The following ZNF677 variants were observed in gnomAD, a reference collection of about 807,000 sequenced individuals.
ZNF677 encodes zinc finger protein 677, also known as hypothetical protein MGC48625.
Under a neutral mutation model 8.1 loss-of-function variants are expected in ZNF677, and 5 were observed. The observed-to-expected ratio is 0.62, with a 90% confidence interval of 0.32 to 1.29. ZNF677 has a LOEUF of 1.29. Ranked by LOEUF, ZNF677 falls within the 50% of genes most tolerant of loss-of-function variation. The pLI, the probability that ZNF677 is intolerant of heterozygous loss-of-function variation, is 0.05. For synonymous variants in ZNF677, 221 were observed against 225.6 expected (o/e 0.98, Z 0.18); for missense variants, 685 against 685.9 (o/e 1.00, Z 0.01).
chr19:53,251,323 A>G (rs1160175333), intron 3 of ZNF677, among the ~76,000 whole-genome samples: 1 of 152,238 alleles, frequency 6.6e-6, no homozygotes, highest in Non-Finnish European at 1.5e-5. Flanking sequence ...AACCCTTTCC[A>G]GAACAATCAT....
At chr19:53,248,911 G>GA (rs2091190018) in intron 3 of ZNF677, among the ~76,000 whole-genome samples, 1 of 151,902 alleles carries the variant, frequency 6.6e-6, no homozygotes, top group African/African-American at 2.4e-5. Context: ...CCTTTTCTTG[G>GA]AAAATTCTTA....
In ZNF677 at chr19:53,237,146, A is replaced by G. The variant is rs755441654; in HGVS notation, c.1581T>C (p.Phe527=). 6.2e-7 allele frequency: 1 copy of G among 1,613,558 alleles called. No individual in the cohort carries two copies. Among genetic ancestry groups the G allele is most frequent in the Non-Finnish European group, 8.5e-7 (1 of 1,179,868 alleles). ...TTTTCTGGTGTCTAGTGAGGTTTGC[A>G]AATTGGGTAAAAGCTTTGCCACATT... ...CTECGKAFTQ[F]ANLTRHQKIH... Residue 527 remains phenylalanine (F), a synonymous_variant, in exon 5 of 5, where the codon TTT becomes TTC. Coordinates refer to ENST00000598513, the MANE Select transcript of ZNF677 (RefSeq NM_182609.4).
At chr19:53,242,058 AGCAGCTGGTATTACAG>A (rs1432228230) in intron 4 of ZNF677, 1 of 394,746 alleles carries the variant, frequency 2.5e-6, no homozygotes, top group Non-Finnish European at 4.5e-6. Context: ...CAGCCTCCCG[AGCAGCTGGTATTACAG>A]GCATGCGCCA....
chr19:53,237,682 A>C lies in ZNF677; in HGVS notation c.1045T>G (p.Cys349Gly). Residue 349 changes from cysteine (C) to glycine (G), a missense_variant, in exon 5 of 5, where the codon TGT becomes GGT. Cys to Gly is a radical substitution (Grantham distance 159). Coordinates refer to ENST00000598513, the MANE Select transcript of ZNF677 (RefSeq NM_182609.4). The stretch of plus-strand genomic sequence containing the variant: ...ATAAATGCCTTACCACATTCATTAC[A>C]TTTGTAAGGTTTCTCTCCAGTATGC... The part of the protein sequence containing the change: ...RMHTGEKPYK[C>G]NECGKAFIQR... 1 of 1,613,120 alleles carries C rather than the reference A, an allele frequency of 6.2e-7. No individual in the cohort carries two copies. Among genetic ancestry groups the C allele is most frequent in the Non-Finnish European group, 8.5e-7 (1 of 1,179,578 alleles).
chr19:53,249,027 T>C (rs1289496542), intron 3 of ZNF677: 14 of 152,246 alleles, frequency 9.2e-5, no homozygotes, highest in Admixed American at 9.2e-4. Flanking sequence ...ACCTAAAGTT[T>C]AGGTTAGCTG....
At position 53,239,866 on chromosome 19, in the gene ZNF677, C is replaced by T. The variant is rs569527813; in HGVS notation, c.170-1309G>A. The T allele has an allele frequency of 2.0e-5, 3 of 152,338 alleles. No individual in the cohort carries two copies. In the East Asian group the frequency reaches 5.8e-4, roughly 29 times the overall value. 9.4% of individuals were successfully genotyped at this position (152,338 alleles called of 1,614,324 possible). A position where few individuals can be genotyped will look rare whatever the true frequency, so the allele number is the denominator to read the frequency against. ...TCCCTAACTCACAGAGAAAGCACAT[C>T]TGAAAGCCAGAATCTGAACCTGTGT... On this transcript the variant is annotated intron_variant, in intron 4 of 4. Coordinates refer to ENST00000598513, the MANE Select transcript of ZNF677 (RefSeq NM_182609.4).
In ZNF677 at chr19:53,254,273, T is replaced by G. The variant is rs565076479; in HGVS notation, c.-127+561A>C. On this transcript the variant is annotated intron_variant, in intron 1 of 4. Coordinates refer to ENST00000598513, the MANE Select transcript of ZNF677 (RefSeq NM_182609.4). ...ATGTTTCTCTTCCACCTTCTGTTTC[T>G]TTCCTTTTCTTTTTCCCATTTCGGC... Among the ~76,000 whole-genome samples the G allele has an allele frequency of 3.3e-5, 5 of 152,108 alleles. No homozygotes were observed. In the East Asian group the frequency reaches 9.7e-4, roughly 30 times the overall value.
intron 4 of ZNF677, chr19:53,240,020 CTG>C (rs1466858461): frequency 6.6e-6 from 1 of 152,182 alleles, no homozygotes; most frequent in Non-Finnish European, 1.5e-5. Flanking sequence ...GGGACCTGAG[CTG>C]TGTCACCTAT....
At chr19:53,241,466 A>G (rs1343033189) in intron 4 of ZNF677, 2 of 189,998 alleles carry the variant, frequency 1.1e-5, no homozygotes, top group Non-Finnish European at 2.1e-5. Context: ...AACTGCACGT[A>G]TGGGATGAAT....
chr19:53,239,038 A>T (rs1304175972), intron 4 of ZNF677: 1 of 152,346 alleles, frequency 6.6e-6, no homozygotes, highest in African/African-American at 2.4e-5. Flanking sequence ...GAAAGAAAAA[A>T]TTCGGAAGAA....
chr19:53,243,713 G>A, intron 4 of ZNF677, 31 bp downstream of exon 4: 1 of 1,613,744 alleles, frequency 6.2e-7, no homozygotes. Context: ...GACTCACAAG[G>A]AAAAATGTAA....
Position 53,236,883 on chromosome 19 carries a change from T to A in ZNF677, c.*89A>T, listed in dbSNP as rs2090976291. The A allele has an allele frequency of 1.8e-5, 22 of 1,201,672 alleles. No homozygotes were observed. Among genetic ancestry groups the A allele is most frequent in the Non-Finnish European group, 2.5e-5 (22 of 875,994 alleles). The allele number at this position is 1,201,672 out of a possible 1,614,324, so 74.4% of individuals were successfully genotyped here. ...TGTGGTTTATCTCAAAGATGTATATTCTGGTATCAAGTGAGACATAAGCCA... is the reference window on the plus strand; with the variant it reads ...TGTGGTTTATCTCAAAGATGTATATACTGGTATCAAGTGAGACATAAGCCA... On this transcript the variant is annotated 3_prime_UTR_variant, in exon 5 of 5. Coordinates refer to ENST00000598513, the MANE Select transcript of ZNF677 (RefSeq NM_182609.4).
chr19:53,249,504 T>A (rs368619825), intron 3 of ZNF677: 4 of 152,184 alleles, frequency 2.6e-5, no homozygotes, highest in Non-Finnish European at 5.9e-5. Context: ...AACAAAGACA[T>A]ACAGTATACA....
intron 4 of ZNF677, chr19:53,239,988 G>A (rs1406392115): frequency 6.6e-6 from 1 of 152,252 alleles, no homozygotes; most frequent in Admixed American, 6.5e-5. Flanking sequence ...AGTGTAGGAA[G>A]AAATGTTTCA....
rs778845476 is a variant in ZNF677, at chr19:53,237,285, T to C, written c.1442A>G (p.His481Arg). ...RSHLWGHQRT[H>R]TGEKPYKCTE... is the part of the protein sequence containing the mutation. Reference sequence around the variant, plus strand: ...ACATTTGTAAGGTTTCTCTCCAGTATGAGTTCTCTGATGACCCCAAAGGTG... The same window carrying C: ...ACATTTGTAAGGTTTCTCTCCAGTACGAGTTCTCTGATGACCCCAAAGGTG... Residue 481 changes from histidine to arginine, a missense_variant, in exon 5 of 5, where the codon CAT becomes CGT. Transcript: ENST00000598513. 6.2e-7 allele frequency: 1 copy of C among 1,613,642 alleles called. No homozygotes were observed. The highest frequency in any genetic ancestry group is 8.5e-7 in the Non-Finnish European group (1 of 1,179,884).
rs773416672 is a variant in ZNF677 at position 53,237,052 on chromosome 19, C to G, written c.1675G>C (p.Gly559Arg). ...CTATTATAACTTTTTTGATGATCTC[C>G]AAGGTTTGAACTTTGGAATAAAGCA... ...GNALFQSSNLGDHQKSYNREK... is the reference protein window; with the variant it reads ...GNALFQSSNLRDHQKSYNREK... The change falls in exon 5 of 5, where the codon GGA becomes CGA. Residue 559 changes from glycine (G) to arginine (R), a missense_variant. Gly to Arg is a moderately radical substitution (Grantham distance 125). Transcript: ENST00000598513. The G allele has an allele frequency of 6.2e-7, 1 of 1,607,930 alleles. No individual in the cohort carries two copies. The highest frequency in any genetic ancestry group is 1.1e-5 in the South Asian group (1 of 89,386).
chr19:53,236,992 T>C lies in ZNF677; in HGVS notation c.1735A>G (p.Lys579Glu), dbSNP rs777243863. ...TGATGCTAGGTACAGCTTGAATACT[T>C]AATTTTTGTCTCATTATATTTGATA... ...KHIKYNETKI[K>E]YSSCT is the part of the protein sequence containing the mutation. The change falls in exon 5 of 5, where the codon AAG (lysine) becomes GAG (glutamate). Residue 579 changes from lysine to glutamate, a missense_variant. Physicochemically the swap from Lys to Glu is moderately conservative, Grantham distance 56. Transcript: ENST00000598513. 1.3e-5 allele frequency: 21 copies of C among 1,566,798 alleles called. No individual in the cohort carries two copies. In the East Asian group the frequency reaches 4.7e-4, roughly 35 times the overall value.
At chr19:53,251,645 C>G in intron 2 of ZNF677, 40 bp from the exon 3 acceptor site, 1 of 1,474,472 alleles carries the variant, frequency 6.8e-7, no homozygotes, top group Admixed American at 1.8e-5. Context: ...TTAAAATCAA[C>G]ACACCCCCTG....
rs1419926503 is a variant in ZNF677 at position 53,237,784 on chromosome 19, C to T, written c.943G>A (p.Gly315Arg). Residue 315 changes from glycine to arginine, a missense_variant, in exon 5 of 5, where the codon GGA becomes AGA. Coordinates refer to ENST00000598513, the MANE Select transcript of ZNF677 (RefSeq NM_182609.4). ...ATATTACATTGATATGGTTTCTCTC[C>T]TGTATGGACTCTCTGATGCCTAGTG... Reference protein sequence around the residue: ...NLTRHQRVHTGEKPYQCNICG... With the variant: ...NLTRHQRVHTREKPYQCNICG... 6 of 1,613,240 alleles carry T rather than the reference C, an allele frequency of 3.7e-6. No individual in the cohort carries two copies. The highest frequency in any genetic ancestry group is 1.3e-5 in the African/African-American group (1 of 74,876).
Sources: gnomAD v4.1 joint callset for allele counts (sites outside exome capture counted in the v4.1 genomes callset) on GRCh38, gnomAD v4.1.1 for gene constraint, MANE v1.5 for transcripts, NCBI Gene and HGNC (gene_info 2026-07-23, HGNC 2026-07-21) for gene names.